The following AAK1 variants were observed in gnomAD, a reference collection of about 807,000 sequenced individuals.
The protein encoded by AAK1 is AP2 associated kinase 1, also known as AP2-associated protein kinase 1.
A neutral mutation model predicts 116.0 loss-of-function variants in AAK1; 37 were observed. The observed-to-expected ratio is 0.32, with a 90% confidence interval of 0.25 to 0.42. AAK1 has a LOEUF of 0.42. AAK1 is among the 10% of genes least tolerant of loss of function. AAK1 has a pLI of 1.00. For missense variants in AAK1, 919 were observed against 1,170.6 expected, an observed-to-expected ratio of 0.79 and a Z score of 3.14; for synonymous variants, 458 against 439.9, an observed-to-expected ratio of 1.04 and a Z score of -0.51.
At chr2:69,615,217 G>A (rs1573009680) in intron 2 of AAK1, among the ~76,000 whole-genome samples, 2 of 152,042 alleles carry the variant, frequency 1.3e-5, no homozygotes, top group Admixed American at 6.5e-5. Context: ...TGTGGACTTC[G>A]ACCTCAGCTT....
chr2:69,486,292 CA>C (rs990235076), intron 17 of AAK1, among the ~76,000 whole-genome samples: 2 of 151,982 alleles, frequency 1.3e-5, no homozygotes, highest in African/African-American at 2.4e-5. Context: ...AAGTCATTAG[CA>C]AAAAGCACGT....
At chr2:69,493,605 C>T (rs17036669) in intron 17 of AAK1, among the ~76,000 whole-genome samples, 4,613 of 152,220 alleles carry the variant, frequency 0.03, 271 homozygotes, top group East Asian at 0.18. Flanking sequence ...CAGACAGTGT[C>T]GTTGGCACAG....
chr2:69,466,371 T>C lies in AAK1; in HGVS notation c.*9498A>G, dbSNP rs1199920224. ...GTCAGTCCCTTCCTCTTCGCTGCTG[T>C]GGAATGAGCTGTTGCTTGAAGGGCC... On this transcript the variant is annotated 3_prime_UTR_variant, in exon 22 of 22. Coordinates refer to ENST00000409085, the MANE Select transcript of AAK1 (RefSeq NM_014911.5). 3.9e-6 allele frequency: 5 copies of C among 1,289,686 alleles called. No homozygotes were observed. Among genetic ancestry groups the C allele is most frequent in the Non-Finnish European group, 5.1e-6 (5 of 988,874 alleles). 79.9% of individuals were successfully genotyped at this position (1,289,686 alleles called of 1,614,324 possible). A position where few individuals can be genotyped will look rare whatever the true frequency, so the allele number is the denominator to read the frequency against.
chr2:69,467,796 A>G lies in AAK1; in HGVS notation c.*8073T>C, dbSNP rs1357494549. On this transcript the variant is annotated 3_prime_UTR_variant, in exon 22 of 22. Transcript: ENST00000409085. ...CAGACCACAGCAGAAGAGGCATTAAAATCAGTTTATTGGGAAACCAGTCAC... is the reference window on the plus strand; with the variant it reads ...CAGACCACAGCAGAAGAGGCATTAAGATCAGTTTATTGGGAAACCAGTCAC... 1 of 985,328 alleles carries G rather than the reference A, an allele frequency of 1.0e-6. No homozygotes were observed. The highest frequency in any genetic ancestry group is 1.7e-5 in the African/African-American group (1 of 57,238). 61.0% of individuals were successfully genotyped at this position (985,328 alleles called of 1,614,324 possible).
intron 11 of AAK1, among the ~76,000 whole-genome samples, chr2:69,520,358 CT>C (rs71397334): frequency 2.1e-3 from 271 of 127,402 alleles, no homozygotes; most frequent in Middle Eastern, 4.1e-3. Context: ...CAATTCTTTT[CT>C]TTTTTTTTTT....
intron 2 of AAK1, among the ~76,000 whole-genome samples, chr2:69,615,342 G>A (rs1186789311): frequency 1.3e-5 from 2 of 152,208 alleles, no homozygotes; most frequent in Non-Finnish European, 2.9e-5. Context: ...AGACACAGAG[G>A]ATGGGAGGCA....
At chr2:69,520,642 C>T (rs182880021) in intron 11 of AAK1, among the ~76,000 whole-genome samples, 192 bp downstream of exon 11, 30 of 152,284 alleles carry the variant, frequency 2.0e-4, no homozygotes, top group African/African-American at 7.0e-4. Flanking sequence ...GTTGGGATTA[C>T]AGGCATGAGC....
At chr2:69,617,501 A>G (rs931565484) in intron 2 of AAK1, among the ~76,000 whole-genome samples, 1 of 152,212 alleles carries the variant, frequency 6.6e-6, no homozygotes, top group African/African-American at 2.4e-5. Context: ...CTTCCTAAAT[A>G]CCTACTTATT....
chr2:69,506,042 G>T (rs910726004), intron 15 of AAK1, among the ~76,000 whole-genome samples: 5 of 152,138 alleles, frequency 3.3e-5, no homozygotes, highest in African/African-American at 7.2e-5. Context: ...TTGATGATCT[G>T]CTTTCCATGT....
chr2:69,596,518 G>A (rs375199728), intron 2 of AAK1, among the ~76,000 whole-genome samples: 8 of 152,130 alleles, frequency 5.3e-5, no homozygotes, highest in Admixed American at 3.9e-4. Context: ...CACCATGCCC[G>A]GGGAATTTTG....
At position 69,465,497 on chromosome 2, in the gene AAK1, C is replaced by G. The variant is rs1387871109; in HGVS notation, c.*10372G>C. ...GATCAGCAGCTGGCAGCTCCGTAGT[C>G]CTGGAGGAAAGGGATGTGATAGAAA... On this transcript the variant is annotated 3_prime_UTR_variant, in exon 22 of 22. Coordinates refer to ENST00000409085, the MANE Select transcript of AAK1 (RefSeq NM_014911.5). 4 of 1,290,710 alleles carry G rather than the reference C, an allele frequency of 3.1e-6. No homozygotes were observed. The highest frequency in any genetic ancestry group is 4.0e-6 in the Non-Finnish European group (4 of 988,888). The allele number at this position is 1,290,710 out of a possible 1,614,324, so 80.0% of individuals were successfully genotyped here.
intron 8 of AAK1, among the ~76,000 whole-genome samples, chr2:69,527,670 T>C (rs1219514900): frequency 6.6e-6 from 1 of 152,218 alleles, no homozygotes. Flanking sequence ...CCTTGGTTCA[T>C]CTTATCTTAC....
chr2:69,563,916 A>G (rs549390923), intron 2 of AAK1, among the ~76,000 whole-genome samples: 63 of 152,298 alleles, frequency 4.1e-4, no homozygotes, highest in African/African-American at 1.4e-3. Context: ...AAATTAGGCC[A>G]GGCGCGGTGG....
chr2:69,534,666 A>C (rs1670389618), intron 5 of AAK1, among the ~76,000 whole-genome samples: 1 of 152,272 alleles, frequency 6.6e-6, no homozygotes, highest in African/African-American at 2.4e-5. Context: ...CTTACTGTCA[A>C]TAGCAGAGGC....
At chr2:69,559,694 C>T (rs1052807294) in intron 2 of AAK1, among the ~76,000 whole-genome samples, 3 of 152,172 alleles carry the variant, frequency 2.0e-5, no homozygotes, top group Non-Finnish European at 4.4e-5. Context: ...TAGTTATGGG[C>T]AGAAGGTGGG....
At chr2:69,476,194 G>A (rs533955243) in intron 21 of AAK1, among the ~76,000 whole-genome samples, 1 of 152,256 alleles carries the variant, frequency 6.6e-6, no homozygotes, top group African/African-American at 2.4e-5. Context: ...GGCACTCTGT[G>A]CACACCACAG....
intron 11 of AAK1, 23 bp from the exon 12 acceptor site, chr2:69,519,263 G>A (rs902235372): frequency 6.6e-7 from 1 of 1,514,942 alleles, no homozygotes; most frequent in Non-Finnish European, 8.8e-7. Flanking sequence ...TAAAGTCCAT[G>A]TAAGGGTTCC....
Position 69,475,391 on chromosome 2 carries a change from C to T in AAK1, c.*478G>A. 1.0e-6 allele frequency: 1 copy of T among 991,466 alleles called. No individual in the cohort carries two copies. The highest frequency in any genetic ancestry group is 1.2e-6 in the Non-Finnish European group (1 of 833,372). The allele number at this position is 991,466 out of a possible 1,614,324, so 61.4% of individuals were successfully genotyped here. A position where few individuals can be genotyped will look rare whatever the true frequency, so the allele number is the denominator to read the frequency against. On this transcript the variant is annotated 3_prime_UTR_variant, in exon 22 of 22. Coordinates refer to ENST00000409085, the MANE Select transcript of AAK1 (RefSeq NM_014911.5). ...CTAGAGTTAAGACCAACTGAAGTAG[C>T]CATGTCCTCATGATAATGCATCAGG...
intron 13 of AAK1, among the ~76,000 whole-genome samples, chr2:69,512,621 G>C (rs1470597972): frequency 2.6e-5 from 4 of 152,218 alleles, no homozygotes; most frequent in Non-Finnish European, 4.4e-5. Flanking sequence ...GATTAGCCCT[G>C]CCAAGAGTCA....
Sources: allele counts gnomAD v4.1 joint callset (sites outside exome capture counted in the v4.1 genomes callset), GRCh38; gene constraint gnomAD v4.1.1; transcripts MANE v1.5; gene names NCBI Gene and HGNC (gene_info 2026-07-23, HGNC 2026-07-21).